The following UQCR11 variants were observed in gnomAD, a reference collection of about 807,000 sequenced individuals.
UQCR11 encodes the protein ubiquinol-cytochrome c reductase, complex III subunit XI, also known as cytochrome b-c1 complex subunit 10.
A neutral mutation model predicts 7.6 loss-of-function variants in UQCR11; 10 were observed. The ratio of observed to expected loss-of-function variants is 1.31; its 90% CI spans 0.81 to 2.22. UQCR11 has a LOEUF of 2.22. Ranked by LOEUF, UQCR11 falls within the 30% of genes most tolerant of loss-of-function variation. The pLI, the probability that UQCR11 is intolerant of heterozygous loss-of-function variation, is 0.00. For missense variants in UQCR11, 86 were observed against 75.1 expected (o/e 1.15, Z -0.54); for synonymous variants, 34 against 34.9 (o/e 0.97, Z 0.09).
At chr19:1,601,784 A>AC (rs1482149242) in intron 1 of UQCR11, among the ~76,000 whole-genome samples, 1 of 152,098 alleles carries the variant, frequency 6.6e-6, no homozygotes, top group Non-Finnish European at 1.5e-5. Context: ...TTAAGCGGCT[A>AC]ATTTTGGGAG....
At chr19:1,599,670 G>A in intron 1 of UQCR11, 110 bp from the exon 2 acceptor site, 1 of 1,476,046 alleles carries the variant, frequency 6.8e-7, no homozygotes, top group Non-Finnish European at 9.0e-7. Context: ...GTGCGGGCCT[G>A]GCACCTGTGC....
At chr19:1,602,866 G>C (rs1263145077) in intron 1 of UQCR11, among the ~76,000 whole-genome samples, 1 of 152,174 alleles carries the variant, frequency 6.6e-6, no homozygotes, top group Admixed American at 6.5e-5. Context: ...GGACAGTGTG[G>C]GAAGAGCCCA....
chr19:1,605,410 C>G lies in UQCR11; in HGVS notation c.-1G>C, dbSNP rs933156059. 2 of 1,558,806 alleles carry G rather than the reference C, an allele frequency of 1.3e-6. No individual in the cohort carries two copies. The highest frequency in any genetic ancestry group is 1.7e-6 in the Non-Finnish European group (2 of 1,155,788). On this transcript the variant is annotated 5_prime_UTR_variant, in exon 1 of 3. Coordinates refer to ENST00000591899, the MANE Select transcript of UQCR11 (RefSeq NM_006830.4). The stretch of plus-strand genomic sequence containing the variant: ...GTGGGCCCAGGAACCGGGTCACCAT[C>G]GCGGCGGAGTCGCACCCTCAGGATG...
chr19:1,603,668 C>G (rs142983222), intron 1 of UQCR11, among the ~76,000 whole-genome samples: 1 of 152,166 alleles, frequency 6.6e-6, no homozygotes, highest in Admixed American at 6.5e-5. Context: ...GCACGGATGA[C>G]GGGTGGTCCC....
At position 1,605,406 on chromosome 19, in the gene UQCR11, C is replaced by A. The variant is rs919070946; in HGVS notation, c.4G>T (p.Val2Leu). Residue 2 changes from valine (V) to leucine (L), a missense_variant, in exon 1 of 3, where the codon GTG becomes TTG. Coordinates refer to ENST00000591899, the MANE Select transcript of UQCR11 (RefSeq NM_006830.4). Reference protein sequence around the residue: MVTRFLGPRYRE... With the variant: MLTRFLGPRYRE... ...TAGCGTGGGCCCAGGAACCGGGTCA[C>A]CATCGCGGCGGAGTCGCACCCTCAG... 1 of 1,574,426 alleles carries A rather than the reference C, an allele frequency of 6.4e-7. No homozygotes were observed. Among genetic ancestry groups the A allele is most frequent in the African/African-American group, 1.4e-5 (1 of 71,138 alleles).
chr19:1,598,772 T>G (rs1009962765), intron 2 of UQCR11: 1 of 153,004 alleles, frequency 6.5e-6, no homozygotes, highest in Non-Finnish European at 1.5e-5. Context: ...GACAGCAGCC[T>G]GGCAGGAACA....
Position 1,605,423 on chromosome 19 carries a change from C to T in UQCR11, c.-14G>A, listed in dbSNP as rs532283761. 4.5e-6 allele frequency: 7 copies of T among 1,560,338 alleles called. No homozygotes were observed. The Admixed American group carries it at 1.1e-4, about 25-fold the overall frequency. On this transcript the variant is annotated 5_prime_UTR_variant, in exon 1 of 3. Transcript: ENST00000591899. ...CCGGGTCACCATCGCGGCGGAGTCG[C>T]ACCCTCAGGATGACCCTGTCCAGCT...
chr19:1,598,563 T>C (rs978216813), intron 2 of UQCR11, among the ~76,000 whole-genome samples: 2 of 150,588 alleles, frequency 1.3e-5, no homozygotes, highest in Non-Finnish European at 3.0e-5. Flanking sequence ...AAAAAAAAAT[T>C]AGCTGCGTGT....
At position 1,599,416 on chromosome 19, in the gene UQCR11, G is replaced by A. The variant is rs1599356139; in HGVS notation, c.*24C>T. 4.3e-6 allele frequency: 7 copies of A among 1,612,750 alleles called. No individual in the cohort carries two copies. Among genetic ancestry groups the A allele is most frequent in the Non-Finnish European group, 5.1e-6 (6 of 1,179,728 alleles). ...CCGCAGCCCACTGAAACTTACCAGA[G>A]CAGTCTGTGAAGGGTTTGTGTAATT... On this transcript the variant is annotated 3_prime_UTR_variant, in exon 2 of 3. Transcript: ENST00000591899.
At chr19:1,598,696 C>G (rs887499901) in intron 2 of UQCR11, among the ~76,000 whole-genome samples, 1 of 152,178 alleles carries the variant, frequency 6.6e-6, no homozygotes. Context: ...GGCAACAGAG[C>G]GAGACTCCGT....
intron 1 of UQCR11, among the ~76,000 whole-genome samples, chr19:1,602,729 C>T (rs2060750847): frequency 6.6e-6 from 1 of 152,126 alleles, no homozygotes; most frequent in African/African-American, 2.4e-5. Context: ...TGGGATTACA[C>T]GCGTGAGCCA....
intron 2 of UQCR11, chr19:1,599,070 C>T: frequency 3.9e-6 from 1 of 254,966 alleles, no homozygotes; most frequent in Non-Finnish European, 7.8e-6. Context: ...TGTGGGCCAG[C>T]CTCCACCTTC....
rs779128283 is a variant in UQCR11 at position 1,599,431 on chromosome 19, T to C, written c.*9A>G. Reference sequence around the variant, plus strand: ...ACTTACCAGAGCAGTCTGTGAAGGGTTTGTGTAATTAATTATCCTTCTTAA... The same window carrying C: ...ACTTACCAGAGCAGTCTGTGAAGGGCTTGTGTAATTAATTATCCTTCTTAA... On this transcript the variant is annotated 3_prime_UTR_variant, in exon 2 of 3. Coordinates refer to ENST00000591899, the MANE Select transcript of UQCR11 (RefSeq NM_006830.4). 32 of 1,613,258 alleles carry C rather than the reference T, an allele frequency of 2.0e-5. No homozygotes were observed. The East Asian group carries it at 6.9e-4, about 35-fold the overall frequency.
intron 1 of UQCR11, among the ~76,000 whole-genome samples, chr19:1,600,547 A>G (rs146245605): frequency 1.3e-5 from 2 of 152,244 alleles, no homozygotes; most frequent in Non-Finnish European, 2.9e-5. Flanking sequence ...ACGCAGCATG[A>G]GCAATGGGGC....
chr19:1,600,113 C>G (rs1373906624), intron 1 of UQCR11, among the ~76,000 whole-genome samples: 1 of 152,038 alleles, frequency 6.6e-6, no homozygotes, highest in African/African-American at 2.4e-5. Flanking sequence ...GAAGGCCCAG[C>G]AGATTCTAGG....
chr19:1,601,882 C>T (rs952407664), intron 1 of UQCR11, among the ~76,000 whole-genome samples: 1 of 152,300 alleles, frequency 6.6e-6, no homozygotes, highest in Non-Finnish European at 1.5e-5. Context: ...CAATTCCGGG[C>T]GGGGTGCGGC....
intron 1 of UQCR11, 147 bp from the exon 2 acceptor site, chr19:1,599,707 C>G: frequency 1.6e-6 from 2 of 1,287,624 alleles, no homozygotes; most frequent in Non-Finnish European, 2.1e-6. Flanking sequence ...GCCCTGAGGG[C>G]TGGCACCAGC....
intron 1 of UQCR11, among the ~76,000 whole-genome samples, chr19:1,603,922 G>C (rs1305826715): frequency 1.3e-5 from 2 of 152,228 alleles, no homozygotes; most frequent in African/African-American, 4.8e-5. Context: ...CTGGCTTCCG[G>C]AGACACTGCC....
In UQCR11 at chr19:1,605,345, G is replaced by A. The variant is rs1304649878; in HGVS notation, c.50+15C>T. The A allele has an allele frequency of 1.3e-6, 2 of 1,567,934 alleles. No homozygotes were observed. The highest frequency in any genetic ancestry group is 1.7e-6 in the Non-Finnish European group (2 of 1,161,596). ...AGGCGGGAGCGCGGATGGGGCCGCG[G>A]GTCGGCGTCCTCACCAGTTCTTGAC... On this transcript the variant is annotated intron_variant, in intron 1 of 2. Coordinates refer to ENST00000591899, the MANE Select transcript of UQCR11 (RefSeq NM_006830.4).
Sources: allele counts gnomAD v4.1 joint callset (sites outside exome capture counted in the v4.1 genomes callset), GRCh38; gene constraint gnomAD v4.1.1; transcripts MANE v1.5; gene names NCBI Gene and HGNC (gene_info 2026-07-23, HGNC 2026-07-21).